Variants in ANKRD44 observed in about 807,000 individuals in gnomAD.
ANKRD44 encodes serine/threonine-protein phosphatase 6 regulatory ankyrin repeat subunit B.
Under a neutral mutation model 116.0 loss-of-function variants are expected in ANKRD44, and 35 were observed. That is an observed-to-expected ratio of 0.30 (90% confidence interval 0.23 to 0.40). ANKRD44 has a LOEUF of 0.40. ANKRD44 is among the 10% of genes least tolerant of loss of function. The pLI is 1.00. For missense variants in ANKRD44, 1,014 were observed against 1,242.6 expected (o/e 0.82, Z 2.77); for synonymous variants, 435 against 461.8 (o/e 0.94, Z 0.74).
At chr2:197,246,763 C>T (rs576050310) in intron 1 of ANKRD44, among the ~76,000 whole-genome samples, 5 of 152,262 alleles carry the variant, frequency 3.3e-5, no homozygotes, top group South Asian at 4.1e-4. Context: ...CTCATTTCAT[C>T]CTCACTATAA....
intron 16 of ANKRD44, among the ~76,000 whole-genome samples, chr2:197,030,423 G>A (rs1184695003): frequency 6.6e-6 from 1 of 152,176 alleles, no homozygotes; most frequent in Non-Finnish European, 1.5e-5. Flanking sequence ...AGAGAAGCAA[G>A]ACACAGGGAT....
chr2:197,070,238 T>C (rs548668558), intron 16 of ANKRD44, among the ~76,000 whole-genome samples: 34 of 152,162 alleles, frequency 2.2e-4, no homozygotes, highest in Non-Finnish European at 4.7e-4. Context: ...TTATTTCCTT[T>C]TCTTCCCTAA....
chr2:197,037,341 GT>G (rs760444291), intron 16 of ANKRD44, among the ~76,000 whole-genome samples: 4 of 152,154 alleles, frequency 2.6e-5, no homozygotes, highest in Non-Finnish European at 5.9e-5. Flanking sequence ...AGGGGTTGAT[GT>G]TTTTATGACT....
At chr2:196,985,470 T>C (rs2075830186), downstream of ANKRD44, among the ~76,000 whole-genome samples, 3 of 152,172 alleles carry the variant, frequency 2.0e-5, no homozygotes, top group Admixed American at 6.5e-5. Flanking sequence ...CACCCAGATT[T>C]GTATATTTGA....
chr2:196,985,471 G>A (rs1255906429), downstream of ANKRD44, among the ~76,000 whole-genome samples: 4 of 152,154 alleles, frequency 2.6e-5, no homozygotes, highest in African/African-American at 9.7e-5. Flanking sequence ...ACCCAGATTT[G>A]TATATTTGAA....
At chr2:196,995,484 A>G (rs1474879754) in intron 25 of ANKRD44, 23 bp from the exon 26 acceptor site, 2 of 1,521,590 alleles carry the variant, frequency 1.3e-6, no homozygotes, top group South Asian at 2.4e-5. Context: ...AAGAATGATA[A>G]GAAATGCAAG....
In ANKRD44 at chr2:197,201,272, G is replaced by A. The variant is rs573154151; in HGVS notation, c.28-14166C>T. ...CACGTGTGAAGACATAATCTTGACA[G>A]TCATATTACAGAAAATAAGGGAGTG... On this transcript the variant is annotated intron_variant, in intron 1 of 27. Coordinates refer to ENST00000282272, the MANE Select transcript of ANKRD44 (RefSeq NM_001195144.2). This position sits in a 1 kb window ranked among gnomAD's most constrained non-coding sequence, Gnocchi z 4.0. Among the ~76,000 whole-genome samples, 6 of 152,336 alleles carry A rather than the reference G, an allele frequency of 3.9e-5. No individual in the cohort carries two copies. Among genetic ancestry groups the A allele is most frequent in the African/African-American group, 1.4e-4 (6 of 41,582 alleles).
chr2:197,015,938 G>A (rs1217634999), intron 17 of ANKRD44: 1 of 531,314 alleles, frequency 1.9e-6, no homozygotes, highest in Admixed American at 2.1e-5. Context: ...AGTTTTGGTG[G>A]AAGAAGCTCA....
In ANKRD44 at chr2:196,987,334, C is replaced by A. The variant is rs1379972328; in HGVS notation, c.*2257G>T. ...ATTCAAAGAAAAGTTGAAATGAAAA[C>A]TCACTGGTATCATATTGCTCTGATA... On this transcript the variant is annotated 3_prime_UTR_variant, in exon 28 of 28. Coordinates refer to ENST00000282272, the MANE Select transcript of ANKRD44 (RefSeq NM_001195144.2). 1 of 985,172 alleles carries A rather than the reference C, an allele frequency of 1.0e-6. No homozygotes were observed. Among genetic ancestry groups the A allele is most frequent in the Non-Finnish European group, 1.2e-6 (1 of 829,728 alleles). 61.0% of individuals were successfully genotyped at this position (985,172 alleles called of 1,614,324 possible). A position where few individuals can be genotyped will look rare whatever the true frequency, so the allele number is the denominator to read the frequency against.
At chr2:197,025,921 G>A (rs1170773589) in intron 16 of ANKRD44, among the ~76,000 whole-genome samples, 1 of 152,120 alleles carries the variant, frequency 6.6e-6, no homozygotes, top group African/African-American at 2.4e-5. Context: ...AATGTGACTA[G>A]GGCATCGTGT....
intron 17 of ANKRD44, chr2:197,016,056 G>A (rs2076386678): frequency 2.4e-5 from 12 of 506,708 alleles, no homozygotes; most frequent in South Asian, 1.3e-4. Flanking sequence ...AGGAGAGAGC[G>A]ATGAGTTGTC....
At chr2:197,108,763 G>A (rs1481528438) in intron 9 of ANKRD44, among the ~76,000 whole-genome samples, 5 of 152,096 alleles carry the variant, frequency 3.3e-5, no homozygotes, top group Admixed American at 6.6e-5. Flanking sequence ...GCTTGAACCC[G>A]AGAGGCAGAT....
chr2:197,141,166 G>A (rs1478824056), intron 3 of ANKRD44, among the ~76,000 whole-genome samples: 5 of 152,104 alleles, frequency 3.3e-5, no homozygotes, highest in African/African-American at 7.2e-5. Flanking sequence ...GCAGTGAGCC[G>A]AGATCATGCC....
At chr2:197,076,537 T>G (rs182995776) in intron 16 of ANKRD44, among the ~76,000 whole-genome samples, 2 of 152,318 alleles carry the variant, frequency 1.3e-5, no homozygotes, top group East Asian at 3.9e-4. Flanking sequence ...GGGGTACATG[T>G]GCAGGTTTGC....
At chr2:197,057,723 C>A (rs553976424) in intron 16 of ANKRD44, among the ~76,000 whole-genome samples, 1 of 152,074 alleles carries the variant, frequency 6.6e-6, no homozygotes, top group Admixed American at 6.6e-5. Flanking sequence ...CCAGGCATGG[C>A]GGCACATGCC....
chr2:197,076,257 C>T (rs1283272949), intron 16 of ANKRD44, among the ~76,000 whole-genome samples: 2 of 152,134 alleles, frequency 1.3e-5, no homozygotes, highest in African/African-American at 4.8e-5. Context: ...AAAGGATGAC[C>T]CCTGCGAAGA....
intron 1 of ANKRD44, among the ~76,000 whole-genome samples, chr2:197,220,016 A>T (rs1420958911): frequency 2.0e-5 from 3 of 152,248 alleles, no homozygotes; most frequent in Non-Finnish European, 2.9e-5. Context: ...TTAAAAGTTT[A>T]ATTGAAGAAT....
chr2:197,130,534 G>A (rs2079071663), intron 4 of ANKRD44, among the ~76,000 whole-genome samples: 1 of 152,176 alleles, frequency 6.6e-6, no homozygotes, highest in Non-Finnish European at 1.5e-5. Flanking sequence ...CACTAGGGGT[G>A]AGGTTTTAGA....
intron 10 of ANKRD44, among the ~76,000 whole-genome samples, chr2:197,095,304 C>T (rs1229474023): frequency 3.3e-5 from 5 of 152,086 alleles, no homozygotes; most frequent in Admixed American, 2.0e-4. Context: ...CTGGCATGGG[C>T]CAGTGAGAAA....
Sources: allele counts gnomAD v4.1 joint callset (sites outside exome capture counted in the v4.1 genomes callset), GRCh38; gene constraint gnomAD v4.1.1; non-coding constraint Gnocchi (gnomAD v3.1); transcripts MANE v1.5; gene names NCBI Gene and HGNC (gene_info 2026-07-23, HGNC 2026-07-21).